MARK3: variants seen among roughly 807,000 people sequenced by gnomAD.
MARK3 encodes microtubule affinity regulating kinase 3.
In MARK3, 46 loss-of-function variants were observed where a neutral mutation model predicts 90.1. That is an observed-to-expected ratio of 0.51 (90% CI 0.40 to 0.65). The LOEUF is 0.65. Among genes scored for constraint, MARK3 ranks in the 30% least tolerant of loss-of-function variants. The pLI, the probability that MARK3 is intolerant of heterozygous loss-of-function variation, is 0.00. For missense variants in MARK3, 818 were observed against 947.2 expected (o/e 0.86, Z 1.79); for synonymous variants, 321 against 332.6 (o/e 0.97, Z 0.38).
chr14:103,501,614 A>C (rs1049723750), intron 17 of MARK3, among the ~76,000 whole-genome samples: 1 of 151,888 alleles, frequency 6.6e-6, no homozygotes, highest in Non-Finnish European at 1.5e-5. Flanking sequence ...CCTCAGATGC[A>C]GGCCCACCCC....
At chr14:103,400,727 C>T (rs759352962) in intron 1 of MARK3, among the ~76,000 whole-genome samples, 2 of 151,746 alleles carry the variant, frequency 1.3e-5, no homozygotes, top group Non-Finnish European at 2.9e-5. Context: ...GAGATCCTAT[C>T]TCTACAAAAA....
At chr14:103,432,569 G>C (rs1240172645) in intron 3 of MARK3, among the ~76,000 whole-genome samples, 4 of 152,130 alleles carry the variant, frequency 2.6e-5, no homozygotes, top group Non-Finnish European at 4.4e-5. Context: ...GGCTGAGGCA[G>C]GCCCGGCACA....
intron 15 of MARK3, among the ~76,000 whole-genome samples, chr14:103,492,879 A>G (rs2142030934): frequency 6.6e-6 from 1 of 152,340 alleles, no homozygotes; most frequent in East Asian, 1.9e-4. Context: ...GAAGGAGCCC[A>G]GGAAACCCAA....
chr14:103,401,495 G>A (rs971725474), intron 1 of MARK3, among the ~76,000 whole-genome samples: 14 of 152,276 alleles, frequency 9.2e-5, no homozygotes, highest in African/African-American at 3.4e-4. Context: ...CATTGGCTCC[G>A]TGGAAACTGA....
chr14:103,408,291 G>A (rs571809045), intron 2 of MARK3, among the ~76,000 whole-genome samples: 3 of 152,156 alleles, frequency 2.0e-5, no homozygotes, highest in African/African-American at 7.2e-5. Flanking sequence ...GGGTTCAAGC[G>A]ATTCTCCTGC....
At chr14:103,408,139 G>A (rs2091424794) in intron 2 of MARK3, among the ~76,000 whole-genome samples, 1 of 152,078 alleles carries the variant, frequency 6.6e-6, no homozygotes, top group Admixed American at 6.5e-5. Flanking sequence ...GAACCTGTTA[G>A]GTACTTAATA....
At chr14:103,460,540 C>CA (rs1251778475) in intron 6 of MARK3, among the ~76,000 whole-genome samples, 8 of 151,852 alleles carry the variant, frequency 5.3e-5, no homozygotes, top group Non-Finnish European at 1.2e-4. Context: ...TAATAGAATG[C>CA]AAAAAAAGCA....
In MARK3 at chr14:103,500,042, T is replaced by G. The variant is rs1218093419; in HGVS notation, c.1872-114T>G. 6 of 813,664 alleles carry G rather than the reference T, an allele frequency of 7.4e-6. No homozygotes were observed. In the African/African-American group the frequency reaches 8.6e-5, roughly 12 times the overall value. 50.4% of individuals were successfully genotyped at this position (813,664 alleles called of 1,614,324 possible). A position where few individuals can be genotyped will look rare whatever the true frequency, so the allele number is the denominator to read the frequency against. ...AAGCCCGGCTGGTGTTTAAAACGTG[T>G]TTTGGCTTTGTTCATTTTATGGTGT... On this transcript the variant is annotated intron_variant, in intron 16 of 17. Transcript: ENST00000429436.
chr14:103,470,366 C>T (rs1049042548), intron 12 of MARK3, among the ~76,000 whole-genome samples: 1 of 151,212 alleles, frequency 6.6e-6, no homozygotes, highest in Non-Finnish European at 1.5e-5. Context: ...CTGAGGCTAG[C>T]GTGTGTGTTT....
At chr14:103,450,236 GAATAT>G (rs2093100849) in intron 4 of MARK3, among the ~76,000 whole-genome samples, 1 of 151,906 alleles carries the variant, frequency 6.6e-6, no homozygotes, top group African/African-American at 2.4e-5. Flanking sequence ...AAATCACAAG[GAATAT>G]AATAGTGGGA....
intron 3 of MARK3, among the ~76,000 whole-genome samples, chr14:103,446,521 CAAAA>C (rs2092998177): frequency 6.6e-6 from 1 of 151,864 alleles, no homozygotes; most frequent in Non-Finnish European, 1.5e-5. Context: ...GACTCCGTCT[CAAAA>C]ATAAATAAAT....
chr14:103,500,657 T>C (rs1427251453), intron 17 of MARK3, among the ~76,000 whole-genome samples: 2 of 151,818 alleles, frequency 1.3e-5, no homozygotes, highest in Non-Finnish European at 2.9e-5. Flanking sequence ...TGAGACACGG[T>C]GTCGCTCTGT....
At chr14:103,480,952 A>G (rs3783397) in intron 14 of MARK3, among the ~76,000 whole-genome samples, 43,671 of 152,188 alleles carry the variant, frequency 0.29, 7,337 homozygotes, top group Non-Finnish European at 0.36. Flanking sequence ...CTGAGTCTAA[A>G]TAGAAACACT....
intron 6 of MARK3, among the ~76,000 whole-genome samples, chr14:103,459,161 T>C (rs2093343665): frequency 6.6e-6 from 1 of 152,206 alleles, no homozygotes; most frequent in Non-Finnish European, 1.5e-5. Flanking sequence ...CCTACTCAGA[T>C]GAATCTGACT....
At chr14:103,412,914 G>T (rs1301370178) in intron 2 of MARK3, among the ~76,000 whole-genome samples, 1 of 144,454 alleles carries the variant, frequency 6.9e-6, no homozygotes, top group Non-Finnish European at 1.5e-5. Context: ...CGCTCTTGTT[G>T]CCCAGGCTAG....
In MARK3 at chr14:103,502,906, A is replaced by G. The variant is rs1456330085; in HGVS notation, c.1941A>G (p.Lys647=). ...GTCGCAATGTATCTGCTGAGCAAAA[A>G]GATGAAAACAAAGAAGCAAAGCCTC... ...GSSRNVSAEQ[K]DENKEAKPRS... is the part of the protein sequence containing the mutation. Residue 647 remains lysine, a synonymous_variant, in exon 18 of 18, where the codon AAA becomes AAG. Transcript: ENST00000429436. 6.2e-7 allele frequency: 1 copy of G among 1,611,882 alleles called. No homozygotes were observed.
intron 12 of MARK3, among the ~76,000 whole-genome samples, chr14:103,470,455 A>ATTTTTTTTTTTTTTTTTTT (rs6145477): frequency 0.033 from 1,787 of 54,972 alleles, 627 homozygotes; most frequent in Non-Finnish European, 0.043. Context: ...AACTAAATCT[A>ATTTTTTTTTTTTTTTTTTT]TTTTTTTTTT....
intron 2 of MARK3, among the ~76,000 whole-genome samples, chr14:103,407,559 T>TTTTC (rs2091384484): frequency 7.8e-6 from 1 of 128,246 alleles, no homozygotes; most frequent in African/African-American, 3.0e-5. Context: ...TGCCTCTTTT[T>TTTTC]TTTTTTTTTT....
At chr14:103,388,804 G>C (rs564675529) in intron 1 of MARK3, among the ~76,000 whole-genome samples, 1 of 152,242 alleles carries the variant, frequency 6.6e-6, no homozygotes, top group East Asian at 1.9e-4. Flanking sequence ...TTCACTTAGA[G>C]TAGTGCTTTT....
Sources: allele counts gnomAD v4.1 joint callset (sites outside exome capture counted in the v4.1 genomes callset), GRCh38; gene constraint gnomAD v4.1.1; transcripts MANE v1.5; gene names NCBI Gene and HGNC (gene_info 2026-07-23, HGNC 2026-07-21).